CREB3L2: variants seen among roughly 807,000 people sequenced by gnomAD.
The protein encoded by CREB3L2 is cyclic AMP-responsive element-binding protein 3-like protein 2.
Under a neutral mutation model 57.2 loss-of-function variants are expected in CREB3L2, and 23 were observed. The ratio of observed to expected loss-of-function variants is 0.40; its 90% confidence interval spans 0.29 to 0.57. The LOEUF (loss-of-function observed/expected upper bound fraction) is 0.57. Ranked by LOEUF, CREB3L2 falls within the 20% of genes least tolerant of loss-of-function variation. CREB3L2 has a pLI of 0.42. For missense variants in CREB3L2, 628 were observed against 634.7 expected (o/e 0.99, Z 0.11); for synonymous variants, 268 against 265.1 (o/e 1.01, Z -0.11).
At chr7:137,981,825 T>C (rs1305526723) in intron 1 of CREB3L2, among the ~76,000 whole-genome samples, 3 of 152,230 alleles carry the variant, frequency 2.0e-5, no homozygotes, top group African/African-American at 7.2e-5. Flanking sequence ...TCTCCAAAAA[T>C]AGAGTTTGCT....
At chr7:137,923,553 T>C (rs1293068649) in intron 2 of CREB3L2, among the ~76,000 whole-genome samples, 6 of 152,210 alleles carry the variant, frequency 3.9e-5, no homozygotes. Flanking sequence ...GTGATGTTCT[T>C]GTCATCAGCT....
At chr7:137,927,316 C>A (rs546748537) in intron 2 of CREB3L2, among the ~76,000 whole-genome samples, 4 of 113,132 alleles carry the variant, frequency 3.5e-5, no homozygotes, top group Admixed American at 1.1e-4. Flanking sequence ...GGAAGGGAGG[C>A]AGGGAGGGAG....
chr7:137,958,873 A>G (rs1585658841), intron 1 of CREB3L2, among the ~76,000 whole-genome samples: 1 of 152,226 alleles, frequency 6.6e-6, no homozygotes, highest in African/African-American at 2.4e-5. Context: ...TGCAGTCAGG[A>G]TCAATCCTCT....
rs1800048212 is a variant in CREB3L2 at position 137,913,016 on chromosome 7, C to CTCTCA, written c.557_558insTGAGA (p.Gln186HisfsTer5). On this transcript the variant is annotated frameshift_variant, in exon 4 of 12. Coordinates refer to ENST00000330387, the MANE Select transcript of CREB3L2 (RefSeq NM_194071.4). LOFTEE classifies it high-confidence loss of function. ...CTTCTTTAGGAGAGAAGTTTAGAAA[C>CTCTCA]TGATCCACTTCATGAGGCTCCAGCT... 6.2e-7 allele frequency: 1 copy of CTCTCA among 1,613,954 alleles called. No homozygotes were observed. The highest frequency in any genetic ancestry group is 8.5e-7 in the Non-Finnish European group (1 of 1,179,970).
chr7:137,941,729 A>T (rs927626000), intron 1 of CREB3L2, among the ~76,000 whole-genome samples: 2 of 152,184 alleles, frequency 1.3e-5, no homozygotes, highest in Non-Finnish European at 2.9e-5. Context: ...GGTACACTAC[A>T]CCACTACCCT....
At chr7:137,925,808 G>A (rs1053084199) in intron 2 of CREB3L2, among the ~76,000 whole-genome samples, 1 of 152,174 alleles carries the variant, frequency 6.6e-6, no homozygotes, top group African/African-American at 2.4e-5. Context: ...CGTGTTTGTT[G>A]TCTTGCTTTT....
intron 7 of CREB3L2, among the ~76,000 whole-genome samples, chr7:137,903,079 C>T (rs1195707090): frequency 3.3e-5 from 5 of 152,216 alleles, no homozygotes; most frequent in African/African-American, 7.2e-5. Flanking sequence ...TCCCAAAGCA[C>T]GGGGATTATA....
intron 2 of CREB3L2, among the ~76,000 whole-genome samples, chr7:137,927,572 G>T (rs1800502152): frequency 6.6e-6 from 1 of 152,138 alleles, no homozygotes; most frequent in Admixed American, 6.5e-5. Context: ...TAGAGTAATG[G>T]TCAAAACATC....
intron 10 of CREB3L2, among the ~76,000 whole-genome samples, chr7:137,883,673 G>A (rs1284120078): frequency 2.6e-5 from 4 of 152,170 alleles, no homozygotes; most frequent in East Asian, 1.9e-4. Context: ...TTATGGTGGT[G>A]TACTCAGCTA....
intron 1 of CREB3L2, among the ~76,000 whole-genome samples, chr7:137,961,606 T>C (rs1388526162): frequency 6.6e-6 from 1 of 152,124 alleles, no homozygotes; most frequent in Admixed American, 6.5e-5. Context: ...TGGGGGTCCC[T>C]CCCCTGTGGC....
chr7:137,949,823 T>C (rs924040125), intron 1 of CREB3L2, among the ~76,000 whole-genome samples: 10 of 152,194 alleles, frequency 6.6e-5, no homozygotes, highest in African/African-American at 2.4e-4. Context: ...CACTGGTTAT[T>C]TGATAATGGT....
At chr7:137,895,705 C>T (rs925313950) in intron 8 of CREB3L2, among the ~76,000 whole-genome samples, 3 of 149,992 alleles carry the variant, frequency 2.0e-5, no homozygotes, top group African/African-American at 7.3e-5. Context: ...AAATTTTCAT[C>T]TGGGTAGATG....
At chr7:137,985,878 T>A (rs1801784260) in intron 1 of CREB3L2, among the ~76,000 whole-genome samples, 1 of 152,208 alleles carries the variant, frequency 6.6e-6, no homozygotes, top group Non-Finnish European at 1.5e-5. Flanking sequence ...ATATTTCAGG[T>A]CTTTTTCCCT....
chr7:137,974,832 AGGTTTGG>A (rs1801577959), intron 1 of CREB3L2, among the ~76,000 whole-genome samples: 1 of 152,192 alleles, frequency 6.6e-6, no homozygotes, highest in Admixed American at 6.5e-5. Flanking sequence ...GATAGGGAAC[AGGTTTGG>A]GGTAGAGCCT....
chr7:137,992,376 T>G (rs1193786775), intron 1 of CREB3L2, among the ~76,000 whole-genome samples: 3 of 152,128 alleles, frequency 2.0e-5, no homozygotes, highest in African/African-American at 7.2e-5. Context: ...GAATGACCCA[T>G]GAGCTCCTCT....
chr7:137,887,482 C>T (rs1213245053), intron 8 of CREB3L2, among the ~76,000 whole-genome samples: 1 of 152,052 alleles, frequency 6.6e-6, no homozygotes, highest in Non-Finnish European at 1.5e-5. Flanking sequence ...GCCAAGGTGG[C>T]CAGATCACGA....
At position 137,973,993 on chromosome 7, in the gene CREB3L2, CAGAGG is replaced by C. The variant is rs1186110482; in HGVS notation, c.102+27606_102+27610del. Among the ~76,000 whole-genome samples the C allele has an allele frequency of 2.6e-5, 4 of 151,954 alleles. No individual in the cohort carries two copies. In the East Asian group the frequency reaches 7.7e-4, roughly 29 times the overall value. ...AGAAATGATGGCACAGGGAACCTAT[CAGAGG>C]CAGAAATATCCATATTATAAAGTTA... On this transcript the variant is annotated intron_variant, in intron 1 of 11. Transcript: ENST00000330387.
At chr7:137,926,494 C>A (rs773654263) in intron 2 of CREB3L2, among the ~76,000 whole-genome samples, 1 of 152,098 alleles carries the variant, frequency 6.6e-6, no homozygotes, top group African/African-American at 2.4e-5. Flanking sequence ...GAACAGGACC[C>A]GCATGTTCTC....
intron 1 of CREB3L2, among the ~76,000 whole-genome samples, chr7:137,953,833 C>T (rs976403252): frequency 2.0e-5 from 3 of 152,160 alleles, no homozygotes; most frequent in Admixed American, 6.5e-5. Flanking sequence ...TTAAAACAGA[C>T]GGTCAAACAA....
Sources: gnomAD v4.1 joint callset for allele counts (sites outside exome capture counted in the v4.1 genomes callset) on GRCh38, gnomAD v4.1.1 for gene constraint, MANE v1.5 for transcripts, NCBI Gene and HGNC (gene_info 2026-07-23, HGNC 2026-07-21) for gene names.